The following AMPH variants were observed in gnomAD, a reference collection of about 807,000 sequenced individuals.
AMPH encodes amphiphysin.
Under a neutral mutation model 99.1 loss-of-function variants are expected in AMPH, and 49 were observed. The observed-to-expected ratio is 0.49, with a 90% CI of 0.39 to 0.63. The LOEUF is 0.63. Ranked by LOEUF, AMPH falls within the 20% of genes least tolerant of loss-of-function variation. AMPH has a pLI of 0.00. For synonymous variants in AMPH, 314 were observed against 317.3 expected (o/e 0.99, Z 0.11); for missense variants, 759 against 863.4 (o/e 0.88, Z 1.52).
At chr7:38,418,112 T>C (rs755821777) in intron 16 of AMPH, 162 bp from the exon 17 acceptor site, 4 of 662,730 alleles carry the variant, frequency 6.0e-6, no homozygotes, top group African/African-American at 5.5e-5. Context: ...CATAGGCTTT[T>C]AGAGAATGGA....
Position 38,436,314 on chromosome 7 carries a change from T to C in AMPH, c.1092A>G (p.Thr364=). The C allele has an allele frequency of 6.2e-7, 1 of 1,614,146 alleles. No individual in the cohort carries two copies. ...LDFDPFKPEV[T]PAGSAGVTHS... The stretch of plus-strand genomic sequence containing the variant: ...GGGTCACTCCAGCAGAACCTGCAGG[T>C]GTCACCTCGGGCTTGAAAGGATCAA... Residue 364 remains threonine (T), a synonymous_variant, in exon 12 of 21, where the codon ACA becomes ACG. Coordinates refer to ENST00000356264, the MANE Select transcript of AMPH (RefSeq NM_001635.4).
intron 2 of AMPH, among the ~76,000 whole-genome samples, chr7:38,512,383 C>A (rs566947452): frequency 2.6e-5 from 4 of 152,172 alleles, no homozygotes; most frequent in African/African-American, 9.7e-5. Context: ...GAGAGATATG[C>A]CTCATTCTCT....
At chr7:38,577,282 G>A (rs1000807667) in intron 1 of AMPH, among the ~76,000 whole-genome samples, 4 of 152,216 alleles carry the variant, frequency 2.6e-5, no homozygotes, top group Middle Eastern at 3.4e-3. Context: ...GGAGTAAATC[G>A]CCTTACTCCC....
intron 18 of AMPH, among the ~76,000 whole-genome samples, chr7:38,393,304 C>G (rs1333223036): frequency 6.6e-6 from 1 of 152,146 alleles, no homozygotes; most frequent in Non-Finnish European, 1.5e-5. Flanking sequence ...GGAGTAAAAT[C>G]ATCAGAAGAA....
intron 2 of AMPH, among the ~76,000 whole-genome samples, chr7:38,508,136 T>C (rs894400388): frequency 4.6e-5 from 7 of 152,172 alleles, no homozygotes; most frequent in African/African-American, 1.7e-4. Context: ...ATTCATAGAA[T>C]GAATTAATGA....
At chr7:38,537,686 A>T (rs536090071) in intron 1 of AMPH, among the ~76,000 whole-genome samples, 1 of 152,362 alleles carries the variant, frequency 6.6e-6, no homozygotes, top group South Asian at 2.1e-4. Context: ...CAGATCGTCA[A>T]TATGAGCCAA....
At chr7:38,411,356 A>G (rs2392571) in intron 17 of AMPH, among the ~76,000 whole-genome samples, 141,346 of 152,262 alleles carry the variant, frequency 0.93, 65,659 homozygotes, top group East Asian at 0.97. Context: ...CAGTATCTGA[A>G]CTGCTTGAGC....
intron 17 of AMPH, among the ~76,000 whole-genome samples, chr7:38,403,971 G>A (rs1784913739): frequency 6.6e-6 from 1 of 152,200 alleles, no homozygotes. Context: ...TAAACAGAGT[G>A]GGCAGCATGG....
intron 7 of AMPH, among the ~76,000 whole-genome samples, chr7:38,470,820 C>T (rs937432840): frequency 6.6e-6 from 1 of 152,120 alleles, no homozygotes. Context: ...CCAAAATTTC[C>T]TTTTCTTTAC....
rs539155648 is a variant in AMPH at position 38,430,109 on chromosome 7, A to T, written c.1159-244T>A. ...CTTTCACTTTCTAGCATCAGCAAGG[A>T]TGTTTTATGGCTAGTATATGACTTC... On this transcript the variant is annotated intron_variant, in intron 13 of 20. Transcript: ENST00000356264. 8.8e-4 allele frequency: 452 copies of T among 513,204 alleles called. 10 individuals are homozygous for T. The South Asian group carries it at 0.011, about 13-fold the overall frequency. The allele number at this position is 513,204 out of a possible 1,614,324, so 31.8% of individuals were successfully genotyped here.
intron 3 of AMPH, 94 bp downstream of exon 3, chr7:38,503,556 A>G (rs573221468): frequency 1.4e-4 from 179 of 1,325,288 alleles, no homozygotes; most frequent in Admixed American, 3.8e-4. Flanking sequence ...CAGGAAGCCA[A>G]ATGGCTTTGT....
chr7:38,484,236 A>C (rs1788404659), intron 5 of AMPH, among the ~76,000 whole-genome samples: 1 of 152,140 alleles, frequency 6.6e-6, no homozygotes, highest in African/African-American at 2.4e-5. Flanking sequence ...AAAACTGGGA[A>C]AGAAAATGTT....
At chr7:38,499,272 C>T (rs924973358) in intron 3 of AMPH, among the ~76,000 whole-genome samples, 1 of 152,184 alleles carries the variant, frequency 6.6e-6, no homozygotes, top group Non-Finnish European at 1.5e-5. Flanking sequence ...TCTCCTAGAA[C>T]AGTGTCAGGT....
intron 1 of AMPH, among the ~76,000 whole-genome samples, chr7:38,570,984 C>CAGTATATATGA (rs1791941178): frequency 1.8e-4 from 1 of 5,470 alleles, no homozygotes; most frequent in Non-Finnish European, 4.8e-4. Context: ...TATATATATT[C>CAGTATATATGA]AATATATATA....
chr7:38,500,013 T>C (rs762312123), intron 3 of AMPH, among the ~76,000 whole-genome samples: 4 of 152,186 alleles, frequency 2.6e-5, no homozygotes, highest in Non-Finnish European at 5.9e-5. Context: ...TAACCCTCTT[T>C]TTCTTTATAA....
At chr7:38,540,063 T>C (rs1431671861) in intron 1 of AMPH, among the ~76,000 whole-genome samples, 1 of 152,216 alleles carries the variant, frequency 6.6e-6, no homozygotes, top group African/African-American at 2.4e-5. Flanking sequence ...AGTGTGGCAC[T>C]ATTGATATTA....
At chr7:38,482,726 A>G (rs545278117) in intron 5 of AMPH, among the ~76,000 whole-genome samples, 2 of 152,276 alleles carry the variant, frequency 1.3e-5, no homozygotes, top group South Asian at 4.1e-4. Context: ...TACTATGAAC[A>G]TATATCATAT....
intron 1 of AMPH, among the ~76,000 whole-genome samples, chr7:38,605,894 G>A (rs1183529317): frequency 6.6e-6 from 1 of 152,134 alleles, no homozygotes; most frequent in Admixed American, 6.6e-5. Context: ...GTTATTTTGA[G>A]TGCTAGAAGT....
At chr7:38,554,182 C>T (rs1411620456) in intron 1 of AMPH, among the ~76,000 whole-genome samples, 1 of 152,214 alleles carries the variant, frequency 6.6e-6, no homozygotes, top group East Asian at 1.9e-4. Flanking sequence ...CCCTTTGAAG[C>T]CCATGAAGAA....
Sources: allele counts gnomAD v4.1 joint callset (sites outside exome capture counted in the v4.1 genomes callset), GRCh38; gene constraint gnomAD v4.1.1; transcripts MANE v1.5; gene names NCBI Gene and HGNC (gene_info 2026-07-23, HGNC 2026-07-21).